FMN2: variants seen among roughly 807,000 people sequenced by gnomAD.
The protein encoded by FMN2 is formin 2, also known as formin-2.
Under a neutral mutation model 142.3 loss-of-function variants are expected in FMN2, and 51 were observed. That is an observed-to-expected ratio of 0.36 (90% CI 0.29 to 0.45). FMN2 has a LOEUF of 0.45. FMN2 is among the 20% of genes least tolerant of loss of function. The pLI, the probability that FMN2 is intolerant of heterozygous loss-of-function variation, is 1.00. For missense variants in FMN2, 1,936 were observed against 2,122.8 expected (o/e 0.91, Z 1.73); for synonymous variants, 882 against 869.8 (o/e 1.01, Z -0.25).
chr1:240,440,450 G>A (rs867927405), intron 16 of FMN2, among the ~76,000 whole-genome samples: 1 of 152,144 alleles, frequency 6.6e-6, no homozygotes, highest in Non-Finnish European at 1.5e-5. Context: ...CCCAGAATGA[G>A]CTTTCCTTCA....
At chr1:240,149,542 T>C (rs1663672981) in intron 2 of FMN2, among the ~76,000 whole-genome samples, 1 of 152,240 alleles carries the variant, frequency 6.6e-6, no homozygotes, top group Non-Finnish European at 1.5e-5. Context: ...ACATTTCTTT[T>C]TGGCATGTTT....
At chr1:240,459,750 A>AAAAAAAAAAAAAAAAAAAAT (rs1676384171) in intron 16 of FMN2, among the ~76,000 whole-genome samples, 1 of 115,072 alleles carries the variant, frequency 8.7e-6, no homozygotes, top group African/African-American at 3.1e-5. Flanking sequence ...AAAAAAAAAA[A>AAAAAAAAAAAAAAAAAAAAT]AAAAAGATTG....
At chr1:240,356,821 A>G (rs2103048076) in intron 14 of FMN2, among the ~76,000 whole-genome samples, 1 of 152,342 alleles carries the variant, frequency 6.6e-6, no homozygotes, top group African/African-American at 2.4e-5. Flanking sequence ...TGAATTAGTC[A>G]TACTACAATT....
At chr1:240,245,165 G>A (rs1668036604) in intron 6 of FMN2, 1 of 239,580 alleles carries the variant, frequency 4.2e-6, no homozygotes, top group Admixed American at 5.2e-5. Flanking sequence ...AGTGGAATGA[G>A]ACTTGAACAT....
chr1:240,372,912 C>T (rs374947876), intron 14 of FMN2, among the ~76,000 whole-genome samples: 8 of 152,132 alleles, frequency 5.3e-5, no homozygotes, highest in Non-Finnish European at 4.4e-5. Flanking sequence ...ATCGGCTGGG[C>T]GCCGTGGCTC....
At chr1:240,156,668 A>G (rs1227777174) in intron 2 of FMN2, among the ~76,000 whole-genome samples, 2 of 152,154 alleles carry the variant, frequency 1.3e-5, no homozygotes, top group Non-Finnish European at 2.9e-5. Context: ...CTAGGATGGT[A>G]AGAGAAAGCA....
chr1:240,128,240 C>T (rs1214769443), intron 2 of FMN2, among the ~76,000 whole-genome samples: 1 of 152,164 alleles, frequency 6.6e-6, no homozygotes, highest in Non-Finnish European at 1.5e-5. Context: ...CTAGTCATTT[C>T]TCTCATGCCT....
chr1:240,201,128 A>G (rs1375658565), intron 4 of FMN2, among the ~76,000 whole-genome samples: 3 of 152,158 alleles, frequency 2.0e-5, no homozygotes, highest in Non-Finnish European at 4.4e-5. Context: ...TTGTTTAAAA[A>G]ATAAATAAAA....
At chr1:240,185,078 C>T (rs1241527947) in intron 3 of FMN2, among the ~76,000 whole-genome samples, 5 of 148,802 alleles carry the variant, frequency 3.4e-5, no homozygotes, top group African/African-American at 1.0e-4. Context: ...CTCTTTCTCC[C>T]TCCTATACCT....
At chr1:240,262,779 T>TTTTTA (rs1668673224) in intron 7 of FMN2, among the ~76,000 whole-genome samples, 1 of 149,024 alleles carries the variant, frequency 6.7e-6, no homozygotes, top group African/African-American at 2.5e-5. Flanking sequence ...TTTTTTTTTT[T>TTTTTA]GAGACAGAGT....
chr1:240,250,266 C>T (rs1044361547), intron 6 of FMN2, among the ~76,000 whole-genome samples: 6 of 152,082 alleles, frequency 3.9e-5, no homozygotes, highest in African/African-American at 9.7e-5. Context: ...TATGTTCCTA[C>T]TATACCTAGA....
chr1:240,148,454 AAGAGAG>A (rs59759995), intron 2 of FMN2, among the ~76,000 whole-genome samples: 1 of 150,804 alleles, frequency 6.6e-6, no homozygotes, highest in South Asian at 2.1e-4. Flanking sequence ...GAGAGAGAGA[AAGAGAG>A]AGAGACAGGG....
intron 6 of FMN2, among the ~76,000 whole-genome samples, chr1:240,214,091 C>G (rs1032570231): frequency 6.6e-6 from 1 of 152,166 alleles, no homozygotes; most frequent in African/African-American, 2.4e-5. Context: ...CTTCATTTCT[C>G]CTTCTTTACT....
intron 2 of FMN2, among the ~76,000 whole-genome samples, chr1:240,153,385 G>GTTTTTTTTTTTTTTTT (rs58725251): frequency 8.0e-6 from 1 of 124,324 alleles, no homozygotes; most frequent in Non-Finnish European, 1.6e-5. Flanking sequence ...TGTATTTACA[G>GTTTTTTTTTTTTTTTT]TTTTTTTTTT....
At chr1:240,115,182 G>T (rs1017691183) in intron 1 of FMN2, among the ~76,000 whole-genome samples, 1 of 152,164 alleles carries the variant, frequency 6.6e-6, no homozygotes, top group Non-Finnish European at 1.5e-5. Flanking sequence ...TCAATTAAGT[G>T]ATTATTCTTT....
chr1:240,234,305 C>T (rs1226059050), intron 6 of FMN2, among the ~76,000 whole-genome samples: 1 of 152,056 alleles, frequency 6.6e-6, no homozygotes, highest in Non-Finnish European at 1.5e-5. Flanking sequence ...CCCGATGACC[C>T]CTGAAAAGAG....
At chr1:240,232,166 T>G (rs1667548160) in intron 6 of FMN2, among the ~76,000 whole-genome samples, 1 of 151,938 alleles carries the variant, frequency 6.6e-6, no homozygotes, top group Non-Finnish European at 1.5e-5. Flanking sequence ...GCCTCCTGGG[T>G]TCAAGGGATT....
At chr1:240,313,109 T>G (rs1016911584) in intron 8 of FMN2, among the ~76,000 whole-genome samples, 1 of 152,218 alleles carries the variant, frequency 6.6e-6, no homozygotes, top group Non-Finnish European at 1.5e-5. Context: ...GATGACCAGT[T>G]ACCACTTACC....
intron 1 of FMN2, among the ~76,000 whole-genome samples, chr1:240,104,997 G>A (rs1470463262): frequency 6.6e-6 from 1 of 151,930 alleles, no homozygotes; most frequent in Non-Finnish European, 1.5e-5. Flanking sequence ...AACTTCTCTG[G>A]GATATACATT....
Sources: allele counts gnomAD v4.1 joint callset (sites outside exome capture counted in the v4.1 genomes callset), GRCh38; gene constraint gnomAD v4.1.1; transcripts MANE v1.5; gene names NCBI Gene and HGNC (gene_info 2026-07-23, HGNC 2026-07-21).